The following ROBO1 variants were observed in gnomAD, a reference collection of about 807,000 sequenced individuals.
The protein encoded by ROBO1 is roundabout guidance receptor 1.
In ROBO1, 149 loss-of-function variants were observed where a neutral mutation model predicts 195.9. That is an observed-to-expected ratio of 0.76 (90% CI 0.67 to 0.87). The LOEUF (loss-of-function observed/expected upper bound fraction) is 0.87. Ranked by LOEUF, ROBO1 falls within the 40% of genes least tolerant of loss-of-function variation. The pLI is 0.00. For missense variants in ROBO1, 1,933 were observed against 2,068.3 expected (o/e 0.93, Z 1.27); for synonymous variants, 816 against 733.2 (o/e 1.11, Z -1.82).
At chr3:79,548,254 T>A (rs1426414477) in intron 2 of ROBO1, among the ~76,000 whole-genome samples, 2 of 152,198 alleles carry the variant, frequency 1.3e-5, no homozygotes, top group Non-Finnish European at 2.9e-5. Flanking sequence ...TGAAAGTCAA[T>A]CACCAGGTAT....
intron 2 of ROBO1, among the ~76,000 whole-genome samples, chr3:79,439,301 A>G (rs2038981817): frequency 6.6e-6 from 1 of 152,134 alleles, no homozygotes; most frequent in Admixed American, 6.6e-5. Context: ...GATGTATACA[A>G]CAATCTTTTC....
At chr3:78,977,246 T>C (rs2076903212) in intron 3 of ROBO1, among the ~76,000 whole-genome samples, 1 of 152,122 alleles carries the variant, frequency 6.6e-6, no homozygotes, top group Admixed American at 6.6e-5. Context: ...TTTCCTCTAA[T>C]TTAGAAAAAT....
chr3:78,857,019 C>T (rs1467071834), intron 4 of ROBO1, among the ~76,000 whole-genome samples: 2 of 151,928 alleles, frequency 1.3e-5, no homozygotes, highest in African/African-American at 4.8e-5. Context: ...TTTTATTGGA[C>T]AAGTCAGTCT....
intron 2 of ROBO1, among the ~76,000 whole-genome samples, chr3:79,438,897 T>C (rs1023392062): frequency 6.6e-6 from 1 of 152,042 alleles, no homozygotes; most frequent in African/African-American, 2.4e-5. Context: ...CAAATACCAC[T>C]GATACTAGCA....
At chr3:78,871,183 C>A (rs1208475048) in intron 4 of ROBO1, among the ~76,000 whole-genome samples, 2 of 152,000 alleles carry the variant, frequency 1.3e-5, no homozygotes, top group African/African-American at 2.4e-5. Flanking sequence ...GATGCCCATG[C>A]GAGTGTGAAT....
intron 2 of ROBO1, among the ~76,000 whole-genome samples, chr3:79,268,781 T>C (rs190121624): frequency 6.6e-6 from 1 of 151,778 alleles, no homozygotes; most frequent in East Asian, 1.9e-4. Context: ...CTAACCATCC[T>C]TGCAGGAGGA....
chr3:79,278,634 C>G (rs1230329717), intron 2 of ROBO1, among the ~76,000 whole-genome samples: 1 of 152,108 alleles, frequency 6.6e-6, no homozygotes, highest in Non-Finnish European at 1.5e-5. Flanking sequence ...ACTGAACATT[C>G]ATATGCAGAA....
intron 3 of ROBO1, among the ~76,000 whole-genome samples, chr3:78,954,061 T>C (rs758303078): frequency 3.3e-5 from 5 of 151,992 alleles, no homozygotes; most frequent in Non-Finnish European, 7.4e-5. Flanking sequence ...TTAGTTTAAG[T>C]TGAGCATTCA....
chr3:79,332,067 C>T (rs1576986399), intron 2 of ROBO1, among the ~76,000 whole-genome samples: 1 of 150,114 alleles, frequency 6.7e-6, no homozygotes, highest in African/African-American at 2.5e-5. Flanking sequence ...GGCGTGAACC[C>T]GGGAGGCGAA....
chr3:79,630,274 A>T (rs988198938), intron 1 of ROBO1, among the ~76,000 whole-genome samples: 1 of 152,094 alleles, frequency 6.6e-6, no homozygotes, highest in African/African-American at 2.4e-5. Context: ...CCACCATCAC[A>T]TCAAAAATAT....
At chr3:79,235,188 C>T (rs140127383) in intron 2 of ROBO1, among the ~76,000 whole-genome samples, 9 of 152,050 alleles carry the variant, frequency 5.9e-5, no homozygotes, top group African/African-American at 1.9e-4. Flanking sequence ...TATTATTTGT[C>T]TTCTTGAATA....
At chr3:79,005,538 A>G (rs969218349) in intron 3 of ROBO1, among the ~76,000 whole-genome samples, 2 of 152,224 alleles carry the variant, frequency 1.3e-5, no homozygotes, top group African/African-American at 2.4e-5. Context: ...CAGTGAAAAA[A>G]GAGTTAACAA....
chr3:78,992,075 C>T (rs1170221639), intron 3 of ROBO1, among the ~76,000 whole-genome samples: 8 of 152,084 alleles, frequency 5.3e-5, no homozygotes, highest in South Asian at 4.1e-4. Context: ...AGAAAACAGT[C>T]CAGATTATAA....
chr3:78,608,399 C>G (rs1239466336), intron 28 of ROBO1, among the ~76,000 whole-genome samples: 2 of 152,110 alleles, frequency 1.3e-5, no homozygotes, highest in Non-Finnish European at 2.9e-5. Flanking sequence ...AGCCACCACA[C>G]CCAGCCTATA....
chr3:79,635,787 G>C (rs78213447), intron 1 of ROBO1, among the ~76,000 whole-genome samples: 2,254 of 152,252 alleles, frequency 0.015, 55 homozygotes, highest in African/African-American at 0.05. Context: ...GGCCGAGATG[G>C]AATGGGGATA....
At chr3:79,530,117 AAC>A (rs1349449084) in intron 2 of ROBO1, among the ~76,000 whole-genome samples, 3 of 152,354 alleles carry the variant, frequency 2.0e-5, no homozygotes, top group East Asian at 3.9e-4. Flanking sequence ...ATAACATAAT[AAC>A]ACATAATAAA....
At chr3:79,724,649 G>C (rs1702839944) in intron 1 of ROBO1, among the ~76,000 whole-genome samples, 2 of 152,150 alleles carry the variant, frequency 1.3e-5, no homozygotes, top group African/African-American at 4.8e-5. Flanking sequence ...TAGTATACTT[G>C]CCAAAAACTA....
chr3:79,343,263 T>C (rs1244439238), intron 2 of ROBO1, among the ~76,000 whole-genome samples: 4 of 152,210 alleles, frequency 2.6e-5, no homozygotes, highest in Admixed American at 2.6e-4. Context: ...CTGAATGATA[T>C]CTAGCTTGCT....
intron 1 of ROBO1, among the ~76,000 whole-genome samples, chr3:79,711,217 A>G (rs1056515375): frequency 6.6e-6 from 1 of 152,142 alleles, no homozygotes; most frequent in African/African-American, 2.4e-5. Flanking sequence ...CAGTTCTGTT[A>G]TAGAACTCAT....
Sources: gnomAD v4.1 joint callset for allele counts (sites outside exome capture counted in the v4.1 genomes callset) on GRCh38, gnomAD v4.1.1 for gene constraint, MANE v1.5 for transcripts, NCBI Gene and HGNC (gene_info 2026-07-23, HGNC 2026-07-21) for gene names.